CEP63: variants seen among roughly 807,000 people sequenced by gnomAD.
CEP63 encodes the protein centrosomal protein 63, also known as centrosomal protein of 63 kDa.
CEP63 carries 84 observed loss-of-function variants against 89.1 expected under a neutral mutation model. That is an observed-to-expected ratio of 0.94 (90% CI 0.79 to 1.13). The LOEUF (loss-of-function observed/expected upper bound fraction) is 1.13. CEP63 is among the 50% of genes most tolerant of loss of function. The probability of loss-of-function intolerance (pLI) is 0.00; values close to 1 mark genes in which losing one functional copy is unlikely to be tolerated. For synonymous variants in CEP63, 267 were observed against 272.5 expected, an observed-to-expected ratio of 0.98 and a Z score of 0.20; for missense variants, 838 against 813.3, an observed-to-expected ratio of 1.03 and a Z score of -0.37.
At chr3:134,711,445 G>A in the CEP63 span, among the ~76,000 whole-genome samples, 2 of 152,216 alleles carry the variant, frequency 1.3e-5, no homozygotes, top group East Asian at 1.9e-4. Context: ...CTGTCATCCT[G>A]TGACCTCTCT....
At chr3:134,777,608 ATTTTTTTTT>A in the CEP63 span, among the ~76,000 whole-genome samples, 1 of 100,188 alleles carries the variant, frequency 1.0e-5, no homozygotes, top group Non-Finnish European at 1.9e-5. Context: ...AAAGAATAGA[ATTTTTTTTT>A]TTTTTTTTTT....
chr3:134,546,878 G>A (rs1353600891), intron 8 of CEP63, among the ~76,000 whole-genome samples: 1 of 152,326 alleles, frequency 6.6e-6, no homozygotes, highest in Non-Finnish European at 1.5e-5. Context: ...CAAATGTGCA[G>A]GGAATTGTCA....
chr3:134,551,853 C>T, intron 11 of CEP63, 73 bp from the exon 12 acceptor site: 2 of 814,138 alleles, frequency 2.5e-6, no homozygotes, highest in Admixed American at 2.0e-5. Flanking sequence ...ATGAAAATTC[C>T]ATGTGGAAAA....
intron 5 of CEP63, chr3:134,536,779 G>C (rs979237502): frequency 2.9e-5 from 9 of 307,708 alleles, no homozygotes; most frequent in Non-Finnish European, 5.1e-5. Flanking sequence ...GATAGCGAGG[G>C]ATATCTGTAA....
intron 2 of CEP63, among the ~76,000 whole-genome samples, chr3:134,501,678 T>A (rs542452361): frequency 1.3e-5 from 2 of 152,356 alleles, no homozygotes; most frequent in South Asian, 4.1e-4. Context: ...ACATTGATTT[T>A]GTATTCTGAA....
chr3:134,772,480 ATCT>A, the CEP63 span, among the ~76,000 whole-genome samples: 7 of 151,230 alleles, frequency 4.6e-5, no homozygotes, highest in Non-Finnish European at 8.9e-5. Flanking sequence ...TTTTGGTTTG[ATCT>A]TCTCACCTCC....
At chr3:134,511,572 G>C (rs560202460) in intron 3 of CEP63, among the ~76,000 whole-genome samples, 1 of 152,300 alleles carries the variant, frequency 6.6e-6, no homozygotes, top group South Asian at 2.1e-4. Flanking sequence ...CTGAGACAGG[G>C]TAAGCTATGC....
At chr3:134,628,668 A>G in the CEP63 span, among the ~76,000 whole-genome samples, 2 of 152,192 alleles carry the variant, frequency 1.3e-5, no homozygotes, top group East Asian at 3.9e-4. Context: ...CATTTGTTAC[A>G]CACTTACTAT....
downstream of CEP63, among the ~76,000 whole-genome samples, chr3:134,575,518 CTTTCTTTCCTTT>C (rs1958195138): frequency 9.0e-6 from 1 of 110,964 alleles, no homozygotes. Context: ...TCCTTTCTTC[CTTTCTTTCCTTT>C]TTTCTTTCTT....
chr3:134,772,409 T>C, the CEP63 span, among the ~76,000 whole-genome samples: 1 of 152,198 alleles, frequency 6.6e-6, no homozygotes, highest in Non-Finnish European at 1.5e-5. Context: ...GACACTTGGC[T>C]TGTGGACACC....
At chr3:134,541,791 G>A (rs1440349616) in intron 6 of CEP63, among the ~76,000 whole-genome samples, 1 of 152,098 alleles carries the variant, frequency 6.6e-6, no homozygotes. Flanking sequence ...GGGATTACAG[G>A]TGTGAGCCAC....
At chr3:134,520,337 C>T (rs1168199782) in intron 3 of CEP63, among the ~76,000 whole-genome samples, 1 of 152,002 alleles carries the variant, frequency 6.6e-6, no homozygotes, top group East Asian at 1.9e-4. Flanking sequence ...ATCAAAAAAG[C>T]ACCAAATAGA....
downstream of CEP63, among the ~76,000 whole-genome samples, chr3:134,579,199 A>G (rs1341666995): frequency 6.6e-6 from 1 of 152,274 alleles, no homozygotes; most frequent in Non-Finnish European, 1.5e-5. Flanking sequence ...AGGCAACACC[A>G]TACATGAAAT....
the CEP63 span, among the ~76,000 whole-genome samples, chr3:134,640,684 C>T: frequency 6.6e-6 from 1 of 152,196 alleles, no homozygotes; most frequent in Non-Finnish European, 1.5e-5. Context: ...CTGGCACCAA[C>T]CTCAACAAAG....
downstream of CEP63, among the ~76,000 whole-genome samples, chr3:134,567,340 A>G (rs1045479760): frequency 3.9e-5 from 6 of 151,996 alleles, no homozygotes; most frequent in African/African-American, 7.3e-5. Flanking sequence ...TCTTTTTGAG[A>G]TGAAAATGTT....
intron 6 of CEP63, among the ~76,000 whole-genome samples, chr3:134,539,147 GATC>G (rs1347031538): frequency 1.3e-5 from 2 of 152,200 alleles, no homozygotes; most frequent in African/African-American, 2.4e-5. Context: ...AGTGCTGTAT[GATC>G]ATCATTTTTT....
chr3:134,518,556 T>A (rs1365331013), intron 3 of CEP63, among the ~76,000 whole-genome samples: 2 of 152,058 alleles, frequency 1.3e-5, no homozygotes, highest in African/African-American at 4.8e-5. Flanking sequence ...TCAAAAGAAA[T>A]CAAAATGAAA....
chr3:134,567,047 A>G (rs897984316), downstream of CEP63, among the ~76,000 whole-genome samples: 3 of 152,158 alleles, frequency 2.0e-5, no homozygotes, highest in Non-Finnish European at 4.4e-5. Context: ...AATAAACAAA[A>G]TGTATATCCA....
In CEP63 at chr3:134,563,001, A is replaced by G. The variant is rs768867909; in HGVS notation, c.*1466A>G. 1.3e-5 allele frequency: 2 copies of G among 152,240 alleles called. No individual in the cohort carries two copies. The highest frequency in any genetic ancestry group is 2.9e-5 in the Non-Finnish European group (2 of 68,090). The allele number at this position is 152,240 out of a possible 1,614,324, so 9.4% of individuals were successfully genotyped here. On this transcript the variant is annotated 3_prime_UTR_variant, in exon 15 of 15. Transcript: ENST00000675561. Reference sequence around the variant, plus strand: ...TTATTACTAATCTTGACCTCTCCCCAGAGCTGCTGTCTTAGATACCTAGCT... The same window carrying G: ...TTATTACTAATCTTGACCTCTCCCCGGAGCTGCTGTCTTAGATACCTAGCT...
Sources: allele counts gnomAD v4.1 joint callset (sites outside exome capture counted in the v4.1 genomes callset), GRCh38; gene constraint gnomAD v4.1.1; transcripts MANE v1.5; gene names NCBI Gene and HGNC (gene_info 2026-07-23, HGNC 2026-07-21).